EEIG2: variants seen among roughly 807,000 people sequenced by gnomAD.
EEIG2 encodes EEIG family member 2, also known as family with sequence similarity 102 member B.
At chr1:108,614,167 C>A in the EEIG2 span, among the ~76,000 whole-genome samples, 1 of 123,338 alleles carries the variant, frequency 8.1e-6, no homozygotes, top group Non-Finnish European at 1.6e-5. Context: ...GGCAGGAGTT[C>A]AAGACCAGTC....
the EEIG2 span, among the ~76,000 whole-genome samples, chr1:108,569,312 T>G: frequency 6.6e-6 from 1 of 152,212 alleles, no homozygotes; most frequent in Non-Finnish European, 1.5e-5. Context: ...ATGGGTCATC[T>G]AGATGATGAT....
the EEIG2 span, chr1:108,612,224 A>G: frequency 6.2e-7 from 1 of 1,613,798 alleles, no homozygotes; most frequent in Non-Finnish European, 8.5e-7. Context: ...GGATCAGGAA[A>G]TACCACTCGC....
chr1:108,620,989 G>T, the EEIG2 span, among the ~76,000 whole-genome samples: 3 of 152,072 alleles, frequency 2.0e-5, no homozygotes, highest in Non-Finnish European at 4.4e-5. Context: ...TAAGTTTAGG[G>T]GATGACTAGG....
At chr1:108,570,249 C>T in the EEIG2 span, among the ~76,000 whole-genome samples, 1 of 152,180 alleles carries the variant, frequency 6.6e-6, no homozygotes, top group East Asian at 1.9e-4. Context: ...ATAAAGGGAA[C>T]AGAAGACACA....
chr1:108,629,475 G>T, the EEIG2 span: 1 of 730,738 alleles, frequency 1.4e-6, no homozygotes, highest in Non-Finnish European at 2.2e-6. Context: ...TGGTTTTTAA[G>T]TTGTTTATTT....
At chr1:108,624,755 A>G in the EEIG2 span, 2 of 1,608,532 alleles carry the variant, frequency 1.2e-6, no homozygotes, top group Non-Finnish European at 1.7e-6. Flanking sequence ...GCAGGTATGG[A>G]TGTGTGGCTT....
the EEIG2 span, among the ~76,000 whole-genome samples, chr1:108,576,080 C>A: frequency 8.5e-5 from 13 of 152,154 alleles, no homozygotes; most frequent in Non-Finnish European, 1.9e-4. Flanking sequence ...CTCCCGGGTT[C>A]AAGCAATCCG....
the EEIG2 span, among the ~76,000 whole-genome samples, chr1:108,624,009 A>C: frequency 6.6e-6 from 1 of 152,186 alleles, no homozygotes; most frequent in Non-Finnish European, 1.5e-5. Flanking sequence ...TTAGAAATTA[A>C]ATTTACCCCT....
At chr1:108,568,048 CT>C in the EEIG2 span, among the ~76,000 whole-genome samples, 15 of 150,794 alleles carry the variant, frequency 9.9e-5, no homozygotes, top group East Asian at 1.2e-3. Flanking sequence ...ACTCATGCCA[CT>C]TTTTTTTTCA....
At chr1:108,624,926 C>T in the EEIG2 span, 1 of 575,276 alleles carries the variant, frequency 1.7e-6, no homozygotes, top group Middle Eastern at 2.7e-4. Flanking sequence ...TGTGCTCTGA[C>T]AGATTAAAAA....
chr1:108,600,718 C>T, the EEIG2 span: 4 of 1,584,444 alleles, frequency 2.5e-6, no homozygotes, highest in Middle Eastern at 1.7e-4. Flanking sequence ...TCTTCCCTTT[C>T]AGAAACCATA....
At chr1:108,623,797 G>A in the EEIG2 span, among the ~76,000 whole-genome samples, 1 of 152,064 alleles carries the variant, frequency 6.6e-6, no homozygotes, top group South Asian at 2.1e-4. Flanking sequence ...TCAGCCTCCT[G>A]TGTAGCTGGG....
chr1:108,568,499 A>G, the EEIG2 span, among the ~76,000 whole-genome samples: 1 of 152,182 alleles, frequency 6.6e-6, no homozygotes, highest in East Asian at 1.9e-4. Context: ...TGACTTGTAT[A>G]TATGTATATT....
At chr1:108,576,863 A>G in the EEIG2 span, among the ~76,000 whole-genome samples, 1 of 152,154 alleles carries the variant, frequency 6.6e-6, no homozygotes, top group Admixed American at 6.5e-5. Flanking sequence ...ATCCCTGAAG[A>G]ATCGCCACAC....
At chr1:108,593,143 T>C in the EEIG2 span, among the ~76,000 whole-genome samples, 1 of 152,026 alleles carries the variant, frequency 6.6e-6, no homozygotes, top group East Asian at 1.9e-4. Flanking sequence ...CATGACAGAG[T>C]GAGACTCTGT....
At chr1:108,576,931 T>A in the EEIG2 span, among the ~76,000 whole-genome samples, 2 of 151,874 alleles carry the variant, frequency 1.3e-5, no homozygotes, top group African/African-American at 4.8e-5. Context: ...AGAGTGTTCC[T>A]ATTTCTCCAC....
At chr1:108,593,541 G>C in the EEIG2 span, among the ~76,000 whole-genome samples, 2 of 152,110 alleles carry the variant, frequency 1.3e-5, no homozygotes, top group Non-Finnish European at 2.9e-5. Context: ...GTAAAATCAG[G>C]GTTCTCCTTT....
the EEIG2 span, among the ~76,000 whole-genome samples, chr1:108,560,763 G>A: frequency 1.3e-5 from 2 of 152,080 alleles, no homozygotes; most frequent in African/African-American, 4.8e-5. Flanking sequence ...ACTCCAGATG[G>A]TGCCTGGTAT....
the EEIG2 span, among the ~76,000 whole-genome samples, chr1:108,593,247 G>T: frequency 0.21 from 32,335 of 152,168 alleles, 4,397 homozygotes; most frequent in Non-Finnish European, 0.31. Context: ...CCTTCCTTCT[G>T]GCTCTGCACC....
Sources: gnomAD v4.1 joint callset for allele counts (sites outside exome capture counted in the v4.1 genomes callset) on GRCh38, gnomAD v4.1.1 for gene constraint, MANE v1.5 for transcripts, NCBI Gene and HGNC (gene_info 2026-07-23, HGNC 2026-07-21) for gene names.